Variants in IL1RAPL2 observed in about 807,000 individuals in gnomAD.
IL1RAPL2 encodes the protein interleukin 1 receptor accessory protein like 2, also known as X-linked interleukin-1 receptor accessory protein-like 2.
Under a neutral mutation model 44.1 loss-of-function variants are expected in IL1RAPL2, and 3 were observed. That is an observed-to-expected ratio of 0.07 (90% CI 0.03 to 0.18). IL1RAPL2 has a LOEUF of 0.18. IL1RAPL2 is among the 10% of genes least tolerant of loss of function. IL1RAPL2 has a pLI of 1.00. For synonymous variants in IL1RAPL2, 181 were observed against 178.8 expected (o/e 1.01, Z -0.10); for missense variants, 391 against 496.4 (o/e 0.79, Z 2.02).
intron 2 of IL1RAPL2, among the ~76,000 whole-genome samples, chrX:105,187,725 G>A (rs782494931): frequency 6.3e-5 from 7 of 111,792 alleles, no homozygotes; most frequent in Non-Finnish European, 1.1e-4. Context: ...TACAGGGGTG[G>A]AAAGTGAGGA....
chrX:104,954,611 A>G (rs1040747117), intron 2 of IL1RAPL2, among the ~76,000 whole-genome samples: 1 of 111,385 alleles, frequency 9.0e-6, no homozygotes, highest in African/African-American at 3.3e-5. Flanking sequence ...GTGCAGTCAT[A>G]GCTTACTGCA....
intron 5 of IL1RAPL2, among the ~76,000 whole-genome samples, chrX:105,388,356 ATTTTTTTTTTTTTTTT>A (rs772573698): frequency 3.3e-5 from 2 of 61,264 alleles, no homozygotes; most frequent in African/African-American, 2.1e-4. Context: ...ACCAAAGCAG[ATTTTTTTTTTTTTTTT>A]TTTTTTTTTT....
At position 105,019,078 on chromosome X, in the gene IL1RAPL2, G is replaced by A. The variant is rs2031238113; in HGVS notation, c.83-176397G>A. On this transcript the variant is annotated intron_variant, in intron 2 of 10. Transcript: ENST00000372582. The stretch of plus-strand genomic sequence containing the variant: ...TACTTATAATGTGTCCATGCACTAG[G>A]CCAAGTATTTTGTTTATGGTTCTCT... 3.6e-5 allele frequency among the ~76,000 whole-genome samples: 4 copies of A among 111,482 alleles called. No individual in the cohort carries two copies. In the South Asian group the frequency reaches 1.5e-3, roughly 41 times the overall value.
intron 2 of IL1RAPL2, among the ~76,000 whole-genome samples, chrX:105,090,858 A>C (rs1330213925): frequency 8.9e-6 from 1 of 111,855 alleles, no homozygotes; most frequent in Non-Finnish European, 1.9e-5. Flanking sequence ...GGTTTCATCT[A>C]AAGTTCCTAA....
At chrX:105,278,958 A>G (rs1445822371) in intron 5 of IL1RAPL2, among the ~76,000 whole-genome samples, 5 of 111,624 alleles carry the variant, frequency 4.5e-5, no homozygotes, top group Non-Finnish European at 7.5e-5. Flanking sequence ...TCGTGAAGCC[A>G]TCACAGACTA....
At chrX:105,090,838 G>C (rs1258847021) in intron 2 of IL1RAPL2, among the ~76,000 whole-genome samples, 2 of 111,516 alleles carry the variant, frequency 1.8e-5, no homozygotes, top group South Asian at 3.8e-4. Flanking sequence ...GTACACTCTG[G>C]GGTCTTATTG....
intron 6 of IL1RAPL2, among the ~76,000 whole-genome samples, chrX:105,519,483 G>C (rs1038560417): frequency 1.1e-4 from 12 of 111,255 alleles, no homozygotes; most frequent in Non-Finnish European, 1.9e-4. Flanking sequence ...TGGCAATCAT[G>C]ATAAAATAGC....
intron 2 of IL1RAPL2, among the ~76,000 whole-genome samples, chrX:104,823,568 A>G (rs1468075818): frequency 9.3e-6 from 1 of 107,707 alleles, no homozygotes; most frequent in African/African-American, 3.4e-5. Context: ...ATACGTGTGC[A>G]TGTGTCTTTA....
At chrX:105,251,198 A>C (rs1310213192) in intron 4 of IL1RAPL2, among the ~76,000 whole-genome samples, 2 of 110,608 alleles carry the variant, frequency 1.8e-5, no homozygotes, top group African/African-American at 3.3e-5. Flanking sequence ...ACATTGATTT[A>C]TCTTGTTATA....
chrX:105,497,810 C>T (rs1328640983), intron 6 of IL1RAPL2, among the ~76,000 whole-genome samples: 1 of 111,983 alleles, frequency 8.9e-6, no homozygotes, highest in Non-Finnish European at 1.9e-5. Context: ...ATTAGCAGAA[C>T]AAAAGATAAA....
intron 5 of IL1RAPL2, among the ~76,000 whole-genome samples, chrX:105,440,142 C>A (rs1044768818): frequency 8.9e-6 from 1 of 111,873 alleles, no homozygotes; most frequent in Non-Finnish European, 1.9e-5. Context: ...ATACTACAGA[C>A]CTTGGGAGTC....
chrX:104,571,452 G>C (rs1377691587), intron 1 of IL1RAPL2, among the ~76,000 whole-genome samples: 2 of 111,612 alleles, frequency 1.8e-5, no homozygotes, highest in Non-Finnish European at 3.8e-5. Context: ...ACGTATCAAG[G>C]ATGGGGCCAG....
chrX:104,839,634 A>C lies in IL1RAPL2; in HGVS notation c.82+180639A>C, dbSNP rs1027723539. ...GTTAGGGAGGAGTCCCTCTTTTTCAATTGTTTGGAGTAGTTTTAGAAGAAA... is the reference window on the plus strand; with the variant it reads ...GTTAGGGAGGAGTCCCTCTTTTTCACTTGTTTGGAGTAGTTTTAGAAGAAA... On this transcript the variant is annotated intron_variant, in intron 2 of 10. Transcript: ENST00000372582. Among the ~76,000 whole-genome samples, 11 of 111,490 alleles carry C rather than the reference A, an allele frequency of 9.9e-5. No individual in the cohort carries two copies. In the East Asian group the frequency reaches 3.1e-3, roughly 32 times the overall value.
intron 9 of IL1RAPL2, among the ~76,000 whole-genome samples, chrX:105,753,311 A>T (rs2038611016): frequency 9.0e-6 from 1 of 111,467 alleles, no homozygotes; most frequent in African/African-American, 3.3e-5. Flanking sequence ...CAATTTAGGG[A>T]GGTTTGTGAA....
At chrX:105,685,935 T>G (rs193073878) in intron 6 of IL1RAPL2, among the ~76,000 whole-genome samples, 1 of 111,228 alleles carries the variant, frequency 9.0e-6, no homozygotes, top group African/African-American at 3.3e-5. Flanking sequence ...AACCCAAAAT[T>G]TCATATCCAG....
Position 105,400,155 on chromosome X carries a change from C to G in IL1RAPL2, c.698-84158C>G, listed in dbSNP as rs951765879. On this transcript the variant is annotated intron_variant, in intron 5 of 10. Transcript: ENST00000372582. ...TTCTAAAAGCAACAGAAAACATATCCTACAACATTCTTGGTCTTTCTGTTC... is the reference window on the plus strand; with the variant it reads ...TTCTAAAAGCAACAGAAAACATATCGTACAACATTCTTGGTCTTTCTGTTC... 2.7e-5 allele frequency among the ~76,000 whole-genome samples: 3 copies of G among 111,129 alleles called. No individual in the cohort carries two copies. In the Admixed American group the frequency reaches 2.9e-4, roughly 11 times the overall value.
chrX:105,114,656 C>T (rs1229665117), intron 2 of IL1RAPL2, among the ~76,000 whole-genome samples: 1 of 111,695 alleles, frequency 9.0e-6, no homozygotes, highest in Non-Finnish European at 1.9e-5. Context: ...AAATCCTTCC[C>T]CAAAAACTTT....
Position 105,704,350 on chromosome X carries a change from A to G in IL1RAPL2, c.773-13017A>G, listed in dbSNP as rs746714950. Among the ~76,000 whole-genome samples, 5 of 111,580 alleles carry G rather than the reference A, an allele frequency of 4.5e-5. No homozygotes were observed. In the South Asian group the frequency reaches 1.9e-3, roughly 42 times the overall value. Reference sequence around the variant, plus strand: ...ATACAAGCTAAACAATTATCCATCAACTCAACTAAGATATCTGCGTAATAT... The same window carrying G: ...ATACAAGCTAAACAATTATCCATCAGCTCAACTAAGATATCTGCGTAATAT... On this transcript the variant is annotated intron_variant, in intron 6 of 10. Transcript: ENST00000372582.
chrX:105,351,580 T>G, intron 5 of IL1RAPL2, among the ~76,000 whole-genome samples: 1 of 109,038 alleles, frequency 9.2e-6, no homozygotes, highest in African/African-American at 3.3e-5. Context: ...AGTTGAAAAA[T>G]GAGAACACAT....
Sources: allele counts gnomAD v4.1 joint callset (sites outside exome capture counted in the v4.1 genomes callset), GRCh38; gene constraint gnomAD v4.1.1; transcripts MANE v1.5; gene names NCBI Gene and HGNC (gene_info 2026-07-23, HGNC 2026-07-21).